The following ERBB4 variants were observed in gnomAD, a reference collection of about 807,000 sequenced individuals.
ERBB4 encodes receptor tyrosine-protein kinase erbB-4.
In ERBB4, 42 loss-of-function variants were observed where a neutral mutation model predicts 158.0. The observed-to-expected ratio is 0.27, with a 90% confidence interval of 0.21 to 0.34. ERBB4 has a LOEUF of 0.34. Ranked by LOEUF, ERBB4 falls within the 10% of genes least tolerant of loss-of-function variation. The pLI is 1.00. For missense variants in ERBB4, 1,333 were observed against 1,624.1 expected, an observed-to-expected ratio of 0.82 and a Z score of 3.08; for synonymous variants, 583 against 558.7, an observed-to-expected ratio of 1.04 and a Z score of -0.61.
chr2:212,050,011 T>A (rs141579022), intron 2 of ERBB4, among the ~76,000 whole-genome samples: 1 of 152,276 alleles, frequency 6.6e-6, no homozygotes, highest in African/African-American at 2.4e-5. Context: ...CGAATAGTGG[T>A]ATTAGAAAGG....
At chr2:212,248,662 A>C (rs2084401126) in intron 1 of ERBB4, among the ~76,000 whole-genome samples, 1 of 152,180 alleles carries the variant, frequency 6.6e-6, no homozygotes, top group Non-Finnish European at 1.5e-5. Flanking sequence ...ATGTGAGAAA[A>C]ATAAGTAAGA....
At chr2:212,038,834 C>A (rs948496650) in intron 2 of ERBB4, among the ~76,000 whole-genome samples, 1 of 152,046 alleles carries the variant, frequency 6.6e-6, no homozygotes, top group Non-Finnish European at 1.5e-5. Context: ...TTTCTTAAAG[C>A]TTTTTCCTCA....
Position 211,464,579 on chromosome 2 carries a change from G to A in ERBB4, c.2488-33479C>T, listed in dbSNP as rs924850672. 4.0e-5 allele frequency among the ~76,000 whole-genome samples: 6 copies of A among 151,824 alleles called. No homozygotes were observed. The East Asian group carries it at 9.7e-4, about 25-fold the overall frequency. Reference sequence around the variant, plus strand: ...GTGTGGTCGTGGTCAAATCATTTGAGGATTCAATTTAAAAAGTACGTCACT... The same window carrying A: ...GTGTGGTCGTGGTCAAATCATTTGAAGATTCAATTTAAAAAGTACGTCACT... On this transcript the variant is annotated intron_variant, in intron 20 of 27. Transcript: ENST00000342788.
intron 19 of ERBB4, among the ~76,000 whole-genome samples, chr2:211,596,672 G>T (rs2068639134): frequency 6.6e-6 from 1 of 151,938 alleles, no homozygotes; most frequent in African/African-American, 2.4e-5. Context: ...TTCTCTTGAT[G>T]ACTTTTTTTC....
At chr2:211,633,118 T>A (rs2070208550) in intron 16 of ERBB4, among the ~76,000 whole-genome samples, 1 of 152,102 alleles carries the variant, frequency 6.6e-6, no homozygotes. Context: ...ATGAAAAAGG[T>A]GCTGATGTAG....
chr2:211,931,252 T>G (rs1333379670), intron 3 of ERBB4, among the ~76,000 whole-genome samples: 1 of 152,154 alleles, frequency 6.6e-6, no homozygotes, highest in Non-Finnish European at 1.5e-5. Context: ...AAATAATTTA[T>G]TTTTAAAAAT....
At chr2:211,765,037 G>A (rs982362192) in intron 4 of ERBB4, among the ~76,000 whole-genome samples, 34 of 152,102 alleles carry the variant, frequency 2.2e-4, no homozygotes, top group African/African-American at 7.7e-4. Context: ...CAGGGTGGAG[G>A]GTGGTGTAGG....
At chr2:211,750,554 T>C in intron 5 of ERBB4, 85 bp downstream of exon 5, 5 of 1,169,626 alleles carry the variant, frequency 4.3e-6, no homozygotes, top group Admixed American at 3.4e-5. Context: ...TTTCATGTTT[T>C]AGATGACCAG....
At chr2:212,280,723 GA>G (rs904684200) in intron 1 of ERBB4, among the ~76,000 whole-genome samples, 1 of 151,594 alleles carries the variant, frequency 6.6e-6, no homozygotes, top group African/African-American at 2.4e-5. Flanking sequence ...TTGGCAGAAA[GA>G]AGCAAACCAC....
At chr2:211,936,851 G>A (rs544583646) in intron 3 of ERBB4, among the ~76,000 whole-genome samples, 17 of 152,154 alleles carry the variant, frequency 1.1e-4, no homozygotes, top group South Asian at 1.0e-3. Flanking sequence ...GCCAAAAAGT[G>A]TTGGGCCATG....
intron 4 of ERBB4, chr2:211,779,833 C>G (rs527319811): frequency 2.0e-5 from 3 of 152,174 alleles, no homozygotes; most frequent in African/African-American, 7.2e-5. Context: ...ACCTCTATGA[C>G]TCTCTCGATA....
intron 1 of ERBB4, among the ~76,000 whole-genome samples, chr2:212,374,453 T>C (rs910892436): frequency 1.3e-5 from 2 of 152,062 alleles, no homozygotes; most frequent in Non-Finnish European, 2.9e-5. Flanking sequence ...ATAATTTCTC[T>C]GTGACCAAGT....
At chr2:211,604,372 A>T (rs2125820246) in intron 19 of ERBB4, among the ~76,000 whole-genome samples, 1 of 152,300 alleles carries the variant, frequency 6.6e-6, no homozygotes, top group South Asian at 2.1e-4. Flanking sequence ...TTCACCTTGA[A>T]ATTATGCCAC....
intron 1 of ERBB4, among the ~76,000 whole-genome samples, chr2:212,439,920 G>A (rs1427007587): frequency 6.6e-6 from 1 of 152,098 alleles, no homozygotes; most frequent in African/African-American, 2.4e-5. Flanking sequence ...GGTAAATCAG[G>A]GGTGGGGAGA....
chr2:212,182,496 A>G (rs1193931130), intron 1 of ERBB4, among the ~76,000 whole-genome samples: 1 of 151,822 alleles, frequency 6.6e-6, no homozygotes, highest in African/African-American at 2.4e-5. Flanking sequence ...AGGGATGTAA[A>G]TGCTGAATCA....
At chr2:212,090,577 A>G (rs1183573584) in intron 2 of ERBB4, among the ~76,000 whole-genome samples, 1 of 152,120 alleles carries the variant, frequency 6.6e-6, no homozygotes, top group African/African-American at 2.4e-5. Context: ...GAAAGATTAT[A>G]ACTGATCACT....
chr2:211,687,519 T>G lies in ERBB4; in HGVS notation c.1490-8335A>C, dbSNP rs189742254. On this transcript the variant is annotated intron_variant, in intron 12 of 27. Transcript: ENST00000342788. The stretch of plus-strand genomic sequence containing the variant: ...GTTTGTTTGTTTGTTATTTTTAGCA[T>G]TGTATGTTTGTTTGTTGTTTTTAGC... Among the ~76,000 whole-genome samples the G allele has an allele frequency of 2.7e-3, 407 of 151,886 alleles. 1 individual carries two copies. The highest frequency in any genetic ancestry group is 4.8e-3 in the Non-Finnish European group (327 of 67,946).
chr2:211,721,364 C>A (rs2074083568), intron 7 of ERBB4, among the ~76,000 whole-genome samples: 1 of 130,854 alleles, frequency 7.6e-6, no homozygotes, highest in Admixed American at 9.4e-5. Context: ...ATAAATAATT[C>A]TTTTAAATGA....
rs112197898 is a variant in ERBB4, at chr2:211,887,253, T to TACACACACACAC, written c.421+60165_421+60176dup. 3.6e-3 allele frequency among the ~76,000 whole-genome samples: 523 copies of TACACACACACAC among 145,390 alleles called. 1 individual carries two copies. The highest frequency in any genetic ancestry group is 5.7e-3 in the Non-Finnish European group (377 of 65,766). ...ACAGAGTTGAAAGATAACAGAGGATTACACACACACACACACACACACACA... is the reference window on the plus strand; with the variant it reads ...ACAGAGTTGAAAGATAACAGAGGATTACACACACACACACACACACACACACACACACACACA... On this transcript the variant is annotated intron_variant, in intron 3 of 27. Coordinates refer to ENST00000342788, the MANE Select transcript of ERBB4 (RefSeq NM_005235.3).
Sources: allele counts gnomAD v4.1 joint callset (sites outside exome capture counted in the v4.1 genomes callset), GRCh38; gene constraint gnomAD v4.1.1; transcripts MANE v1.5; gene names NCBI Gene and HGNC (gene_info 2026-07-23, HGNC 2026-07-21).